The following LARP1B variants were observed in gnomAD, a reference collection of about 807,000 sequenced individuals.
LARP1B encodes la-related protein 1B.
Under a neutral mutation model 114.2 loss-of-function variants are expected in LARP1B, and 76 were observed. The ratio of observed to expected loss-of-function variants is 0.67; its 90% CI spans 0.55 to 0.81. The LOEUF (loss-of-function observed/expected upper bound fraction) is 0.81. LARP1B is among the 30% of genes least tolerant of loss of function. The probability of loss-of-function intolerance (pLI) is 0.00; values close to 1 mark genes in which losing one functional copy is unlikely to be tolerated. For synonymous variants in LARP1B, 345 were observed against 348.0 expected (o/e 0.99, Z 0.10); for missense variants, 1,014 against 1,075.8 (o/e 0.94, Z 0.80).
rs760176527 is a variant in LARP1B, at chr4:128,091,042, G to A, written c.400G>A (p.Val134Ile). 2.3e-5 allele frequency: 37 copies of A among 1,613,284 alleles called. No individual in the cohort carries two copies. Among genetic ancestry groups the A allele is most frequent in the Non-Finnish European group, 3.0e-5 (35 of 1,179,554 alleles). Residue 134 changes from valine (V) to isoleucine (I), a missense_variant, in exon 6 of 20, where the codon GTT becomes ATT. Transcript: ENST00000326639. ...AGAAAAAAGGGATGATCAAGATGAC[G>A]TTTCCAGTGTGAGAAGTGAGGGTGG... ...DREKRDDQDD[V>I]SSVRSEGGNI...
Position 128,116,921 on chromosome 4 carries a change from G to GTT in LARP1B, c.1161+2192_1161+2193dup, listed in dbSNP as rs5861843. 5.5e-3 allele frequency among the ~76,000 whole-genome samples: 757 copies of GTT among 136,836 alleles called. 24 individuals are homozygous for GTT. In the East Asian group the frequency reaches 0.072, roughly 13 times the overall value. The allele number at this position is 136,836 out of a possible 152,430, so 89.8% of individuals were successfully genotyped here. A position where few individuals can be genotyped will look rare whatever the true frequency, so the allele number is the denominator to read the frequency against. Reference sequence around the variant, plus strand: ...TCAAGTGATTTTTTTTTCCTCTTGAGTTTTTTTTTTTTTTGAGTCTTGCTG... The same window carrying GTT: ...TCAAGTGATTTTTTTTTCCTCTTGAGTTTTTTTTTTTTTTTTGAGTCTTGCTG... On this transcript the variant is annotated intron_variant, in intron 10 of 19. Transcript: ENST00000326639.
At chr4:128,122,556 G>A in intron 11 of LARP1B, 3 of 1,515,748 alleles carry the variant, frequency 2.0e-6, no homozygotes, top group Non-Finnish European at 1.8e-6. Flanking sequence ...TAATTTATAT[G>A]CTCATTGCTT....
intron 15 of LARP1B, among the ~76,000 whole-genome samples, chr4:128,186,585 CA>C (rs1750455132): frequency 6.6e-6 from 1 of 152,158 alleles, no homozygotes; most frequent in Non-Finnish European, 1.5e-5. Context: ...CATCTGCAGG[CA>C]AGGATAATTT....
chr4:128,185,036 ACATATATATACC>A (rs1185015749), intron 15 of LARP1B, among the ~76,000 whole-genome samples: 2 of 151,978 alleles, frequency 1.3e-5, no homozygotes, highest in Non-Finnish European at 2.9e-5. Flanking sequence ...ATGTACATAC[ACATATATATACC>A]CATATATAAA....
At chr4:128,122,675 A>G (rs1788403655) in intron 11 of LARP1B, 2 of 1,350,810 alleles carry the variant, frequency 1.5e-6, no homozygotes, top group Non-Finnish European at 1.9e-6. Context: ...GGTAGTGGAA[A>G]TGGTTGTGGA....
At chr4:128,107,001 G>C in intron 8 of LARP1B, 138 bp from the exon 9 acceptor site, 1 of 655,640 alleles carries the variant, frequency 1.5e-6, no homozygotes, top group East Asian at 2.7e-5. Flanking sequence ...TGTTCTATGT[G>C]GTTAACTTAT....
At chr4:128,085,869 T>A (rs1334852631) in intron 5 of LARP1B, among the ~76,000 whole-genome samples, 1 of 152,218 alleles carries the variant, frequency 6.6e-6, no homozygotes, top group Non-Finnish European at 1.5e-5. Context: ...AGTAGCTGTA[T>A]ATTTAACATT....
At chr4:128,129,956 A>C (rs974237625) in intron 11 of LARP1B, among the ~76,000 whole-genome samples, 1 of 152,234 alleles carries the variant, frequency 6.6e-6, no homozygotes, top group Non-Finnish European at 1.5e-5. Flanking sequence ...TGGGCTTATC[A>C]TGACTTTTTA....
chr4:128,195,986 G>T (rs990355406), intron 15 of LARP1B, among the ~76,000 whole-genome samples: 8 of 152,154 alleles, frequency 5.3e-5, no homozygotes, highest in African/African-American at 1.9e-4. Flanking sequence ...GGGCGTGGTG[G>T]CTCATGCCTG....
Position 128,091,116 on chromosome 4 carries a change from A to AAGAGGACGAGGC in LARP1B, c.481_492dup (p.Arg161_Gly164dup), listed in dbSNP as rs1344610756. The AAGAGGACGAGGC allele has an allele frequency of 6.2e-7, 1 of 1,613,834 alleles. No homozygotes were observed. The highest frequency in any genetic ancestry group is 8.5e-7 in the Non-Finnish European group (1 of 1,179,834). On this transcript the variant is annotated inframe_insertion, in exon 6 of 20. Coordinates refer to ENST00000326639, the MANE Select transcript of LARP1B (RefSeq NM_018078.4). ...GTCGAGGAAGAGGCCGAGGACGGGGAAGAGGACGAGGCAGAGGAAATCCTC... is the reference window on the plus strand; with the variant it reads ...GTCGAGGAAGAGGCCGAGGACGGGGAAGAGGACGAGGCAGAGGACGAGGCAGAGGAAATCCTC...
chr4:128,154,449 A>G (rs1028107257), intron 11 of LARP1B, among the ~76,000 whole-genome samples: 8 of 152,260 alleles, frequency 5.3e-5, no homozygotes, highest in African/African-American at 1.9e-4. Flanking sequence ...TAAAGTTCAA[A>G]TTCTTTGGCA....
chr4:128,208,160 T>G (rs1758086044), intron 19 of LARP1B, among the ~76,000 whole-genome samples: 1 of 152,014 alleles, frequency 6.6e-6, no homozygotes, highest in African/African-American at 2.4e-5. Context: ...AAACTCTGTC[T>G]CTACTAAAAA....
At chr4:128,177,986 T>A (rs541488650) in intron 13 of LARP1B, among the ~76,000 whole-genome samples, 1 of 148,074 alleles carries the variant, frequency 6.8e-6, no homozygotes, top group Admixed American at 6.9e-5. Flanking sequence ...GCAATGAAAA[T>A]GAACAAATTA....
At chr4:128,217,028 A>G (rs2150982949) in intron 6 of LARP1B, among the ~76,000 whole-genome samples, 1 of 151,414 alleles carries the variant, frequency 6.6e-6, no homozygotes, top group Non-Finnish European at 1.5e-5. Context: ...TACGCAAATA[A>G]ACTAGAAAAT....
rs1448609468 is a variant in LARP1B at position 128,210,920 on chromosome 4, T to A, written c.*867T>A. The A allele has an allele frequency of 1.0e-6, 1 of 964,480 alleles. No individual in the cohort carries two copies. Among genetic ancestry groups the A allele is most frequent in the Non-Finnish European group, 1.2e-6 (1 of 810,930 alleles). 59.7% of individuals were successfully genotyped at this position (964,480 alleles called of 1,614,324 possible). A position where few individuals can be genotyped will look rare whatever the true frequency, so the allele number is the denominator to read the frequency against. Reference sequence around the variant, plus strand: ...TTTGAATGCATCTGCTATTTATACATCTGCAAGTGGGTATGTCATAAGGAG... The same window carrying A: ...TTTGAATGCATCTGCTATTTATACAACTGCAAGTGGGTATGTCATAAGGAG... On this transcript the variant is annotated 3_prime_UTR_variant, in exon 20 of 20. Transcript: ENST00000326639.
intron 17 of LARP1B, among the ~76,000 whole-genome samples, chr4:128,202,989 G>C (rs1041624819): frequency 1.1e-4 from 16 of 152,208 alleles, no homozygotes; most frequent in African/African-American, 3.9e-4. Context: ...ACTGAAGCCA[G>C]GAGTTCGAGA....
intron 15 of LARP1B, among the ~76,000 whole-genome samples, chr4:128,196,019 T>C (rs1341493798): frequency 6.6e-6 from 1 of 152,092 alleles, no homozygotes; most frequent in Non-Finnish European, 1.5e-5. Flanking sequence ...TTTGTGAGGC[T>C]GAGGCAGGTG....
At chr4:128,155,659 G>GT in intron 11 of LARP1B, 1 of 1,565,306 alleles carries the variant, frequency 6.4e-7, no homozygotes, top group East Asian at 2.2e-5. Context: ...GCCGCCTCCA[G>GT]TGGTGTGTCC....
At chr4:128,073,439 A>G (rs1335686826) in intron 1 of LARP1B, among the ~76,000 whole-genome samples, 1 of 147,334 alleles carries the variant, frequency 6.8e-6, no homozygotes, top group Non-Finnish European at 1.5e-5. Flanking sequence ...AAAAAAAAAA[A>G]AAAAAAAAGA....
Sources: allele counts gnomAD v4.1 joint callset (sites outside exome capture counted in the v4.1 genomes callset), GRCh38; gene constraint gnomAD v4.1.1; transcripts MANE v1.5; gene names NCBI Gene and HGNC (gene_info 2026-07-23, HGNC 2026-07-21).